Variants in ZNF638 observed in about 807,000 individuals in gnomAD.
ZNF638 encodes the protein CTCL tumor antigen se33-1.
ZNF638 carries 46 observed loss-of-function variants against 195.6 expected under a neutral mutation model. The observed-to-expected ratio is 0.24, with a 90% CI of 0.19 to 0.30. The LOEUF is 0.30. Ranked by LOEUF, ZNF638 falls within the 10% of genes least tolerant of loss-of-function variation. The pLI is 1.00. For missense variants in ZNF638, 2,440 were observed against 2,325.3 expected, an observed-to-expected ratio of 1.05 and a Z score of -1.01; for synonymous variants, 845 against 772.0, an observed-to-expected ratio of 1.09 and a Z score of -1.57.
At chr2:71,395,285 GACAA>G (rs1197187539) in intron 10 of ZNF638, 1 of 717,138 alleles carries the variant, frequency 1.4e-6, no homozygotes, top group African/African-American at 1.7e-5. Context: ...CGCTACGCCT[GACAA>G]ACCTGCTGCT....
At chr2:71,334,410 CA>C (rs1384915171) in intron 1 of ZNF638, 1 of 152,174 alleles carries the variant, frequency 6.6e-6, no homozygotes, top group Non-Finnish European at 1.5e-5. Context: ...AGAGACTCTC[CA>C]AATTGAAAGT....
Position 71,408,106 on chromosome 2 carries a change from T to G in ZNF638, c.3136-16T>G, listed in dbSNP as rs1230938474. On this transcript the variant is annotated splice_polypyrimidine_tract_variant and intron_variant, in intron 19 of 27. Coordinates refer to ENST00000264447, the MANE Select transcript of ZNF638 (RefSeq NM_014497.5). ...TTTTTAAAGAACTATTCATAACTTT[T>G]TAATCTTCTCCAAAGGCAATTCTTC... 6.3e-7 allele frequency: 1 copy of G among 1,599,162 alleles called. No homozygotes were observed. Among genetic ancestry groups the G allele is most frequent in the East Asian group, 2.2e-5 (1 of 44,610 alleles).
At chr2:71,420,268 T>C (rs966671169) in intron 21 of ZNF638, among the ~76,000 whole-genome samples, 2 of 152,028 alleles carry the variant, frequency 1.3e-5, no homozygotes, top group Non-Finnish European at 2.9e-5. Flanking sequence ...TATGATACTT[T>C]TGTTTATAAC....
At chr2:71,424,444 A>G (rs1275896743) in intron 22 of ZNF638, among the ~76,000 whole-genome samples, 6 of 152,144 alleles carry the variant, frequency 3.9e-5, no homozygotes, top group South Asian at 2.1e-4. Flanking sequence ...GATCAGTAAA[A>G]CTGAATTTAA....
At chr2:71,430,273 T>G (rs1486196284) in intron 25 of ZNF638, among the ~76,000 whole-genome samples, 3 of 152,126 alleles carry the variant, frequency 2.0e-5, no homozygotes, top group Non-Finnish European at 4.4e-5. Flanking sequence ...ACAGATATGT[T>G]TGGGAAAGTT....
chr2:71,349,908 A>G lies in ZNF638; in HGVS notation c.954A>G (p.Thr318=), dbSNP rs773177823. ...IKSVNQSINQ[T]VSQTMSQSLI... ...CCGTCAACCAATCCATTAACCAAACAGTTAGCCAGACAATGAGTCAATCTC... is the reference window on the plus strand; with the variant it reads ...CCGTCAACCAATCCATTAACCAAACGGTTAGCCAGACAATGAGTCAATCTC... The change falls in exon 2 of 28, where the codon ACA becomes ACG. Residue 318 remains threonine, a synonymous_variant. Transcript: ENST00000264447. 5 of 1,614,094 alleles carry G rather than the reference A, an allele frequency of 3.1e-6. No individual in the cohort carries two copies. In the South Asian group the frequency reaches 4.4e-5, roughly 14 times the overall value.
intron 8 of ZNF638, chr2:71,375,216 A>C (rs2079399031): frequency 2.0e-5 from 3 of 152,288 alleles, no homozygotes; most frequent in South Asian, 4.1e-4. Flanking sequence ...TTAGTTATTA[A>C]CAATTTTATC....
intron 10 of ZNF638, among the ~76,000 whole-genome samples, chr2:71,392,281 C>G (rs1247185387): frequency 6.6e-6 from 1 of 152,178 alleles, no homozygotes; most frequent in South Asian, 2.1e-4. Context: ...TCCCTCATAC[C>G]TAAAGCTTTA....
chr2:71,354,357 T>TAAC (rs2078988928), intron 2 of ZNF638, among the ~76,000 whole-genome samples: 1 of 151,686 alleles, frequency 6.6e-6, no homozygotes, highest in African/African-American at 2.4e-5. Flanking sequence ...TTTTTTTTTT[T>TAAC]AACCAGATGT....
intron 23 of ZNF638, 151 bp downstream of exon 23, chr2:71,424,866 T>G: frequency 1.6e-6 from 1 of 619,814 alleles, no homozygotes; most frequent in Non-Finnish European, 2.7e-6. Context: ...AACTTATCTC[T>G]AATCCTACCA....
chr2:71,392,184 G>C (rs2079795521), intron 10 of ZNF638, among the ~76,000 whole-genome samples: 1 of 152,148 alleles, frequency 6.6e-6, no homozygotes, highest in Non-Finnish European at 1.5e-5. Context: ...TGATTATGCA[G>C]GCCATATAAA....
chr2:71,396,926 G>A (rs748052865), intron 11 of ZNF638, among the ~76,000 whole-genome samples: 7 of 152,124 alleles, frequency 4.6e-5, no homozygotes, highest in Non-Finnish European at 8.8e-5. Flanking sequence ...CAGCCTAGGG[G>A]ACAGAGTGAG....
intron 20 of ZNF638, among the ~76,000 whole-genome samples, chr2:71,411,696 A>T (rs1449478493): frequency 3.2e-5 from 3 of 92,898 alleles, no homozygotes; most frequent in Non-Finnish European, 6.5e-5. Context: ...TCATTGTTCA[A>T]TTCCCACCTA....
chr2:71,424,938 G>A (rs991503961), intron 23 of ZNF638, among the ~76,000 whole-genome samples: 8 of 152,150 alleles, frequency 5.3e-5, no homozygotes, highest in Non-Finnish European at 5.9e-5. Flanking sequence ...GGCGGGGGGA[G>A]CGGGCAAAAT....
chr2:71,399,457 C>A, intron 12 of ZNF638, 102 bp from the exon 13 acceptor site: 1 of 756,378 alleles, frequency 1.3e-6, no homozygotes, highest in South Asian at 1.9e-5. Context: ...AAAAGAGCTG[C>A]TTTTGTAATA....
At chr2:71,427,498 C>G (rs2080562885) in intron 24 of ZNF638, 84 bp downstream of exon 24, 1 of 1,006,526 alleles carries the variant, frequency 9.9e-7, no homozygotes, top group Non-Finnish European at 1.4e-6. Flanking sequence ...TGTGGCATTA[C>G]CAATAATGTC....
intron 8 of ZNF638, among the ~76,000 whole-genome samples, chr2:71,372,617 A>G (rs1007961396): frequency 2.6e-5 from 4 of 152,124 alleles, no homozygotes; most frequent in East Asian, 1.9e-4. Context: ...TGCTCACTTG[A>G]TATTTGGTTC....
At position 71,357,607 on chromosome 2, in the gene ZNF638, C is replaced by T. The variant is rs375172945; in HGVS notation, c.1379+1827C>T. On this transcript the variant is annotated intron_variant, in intron 3 of 27. Transcript: ENST00000264447. ...CATGCTAGTAAGAGGATTATAGCTA[C>T]GTTAATTTACTTGAGCAAACAGCAT... Among the ~76,000 whole-genome samples the T allele has an allele frequency of 1.8e-4, 27 of 152,168 alleles. 1 individual carries two copies. The South Asian group carries it at 2.7e-3, about 15-fold the overall frequency.
chr2:71,357,340 A>G (rs2079040092), intron 3 of ZNF638, among the ~76,000 whole-genome samples: 1 of 152,146 alleles, frequency 6.6e-6, no homozygotes, highest in Non-Finnish European at 1.5e-5. Context: ...CTTTTGCACT[A>G]AGACTGGAAA....
Sources: gnomAD v4.1 joint callset for allele counts (sites outside exome capture counted in the v4.1 genomes callset) on GRCh38, gnomAD v4.1.1 for gene constraint, MANE v1.5 for transcripts, NCBI Gene and HGNC (gene_info 2026-07-23, HGNC 2026-07-21) for gene names.